Variants in ZNF846 observed in about 807,000 individuals in gnomAD.
ZNF846 encodes the protein zinc finger protein 420 pseudogene.
ZNF846 carries 15 observed loss-of-function variants against 16.0 expected under a neutral mutation model. The observed-to-expected ratio is 0.94, with a 90% CI of 0.63 to 1.45. The LOEUF (loss-of-function observed/expected upper bound fraction) is 1.45, where lower values mean the gene tolerates loss of function less well. Ranked by LOEUF, ZNF846 falls within the 40% of genes most tolerant of loss-of-function variation. The probability of loss-of-function intolerance (pLI) is 0.00; values close to 1 mark genes in which losing one functional copy is unlikely to be tolerated. For missense variants in ZNF846, 714 were observed against 622.3 expected (o/e 1.15, Z -1.57); for synonymous variants, 229 against 212.0 (o/e 1.08, Z -0.70).
At chr19:9,762,165 C>T (rs1357166430) in exon 4 of ZNF846, 1 of 1,613,792 alleles carries the variant, frequency 6.2e-7, no homozygotes, top group Non-Finnish European at 8.5e-7. Flanking sequence ...TAATTCAGAC[C>T]CTGCTGGAGG....
intron 1 of ZNF846, among the ~76,000 whole-genome samples, chr19:9,773,783 A>AAAAAAG (rs764874071): frequency 7.7e-4 from 117 of 152,280 alleles, no homozygotes; most frequent in African/African-American, 2.7e-3. Context: ...CTCCATCTCA[A>AAAAAAG]AAAAAGAAAA....
rs968706354 is a variant in ZNF846, at chr19:9,761,107, G to C, written c.229+975C>G. Among the ~76,000 whole-genome samples the C allele has an allele frequency of 4.0e-5, 6 of 148,318 alleles. No homozygotes were observed. The South Asian group carries it at 1.2e-3, about 31-fold the overall frequency. ...CCAACTACTCAGAAGGCTGAGGCAG[G>C]AGAATCACTTGAAGCCAGGAAGCTG... On this transcript the variant is annotated intron_variant, in intron 4 of 5. Coordinates refer to ENST00000397902, the Ensembl canonical transcript of ZNF846.
intron 1 of ZNF846, among the ~76,000 whole-genome samples, chr19:9,767,750 C>A (rs531060301): frequency 6.6e-6 from 1 of 152,224 alleles, no homozygotes; most frequent in East Asian, 1.9e-4. Context: ...GCCCAACCAA[C>A]ATGGTGAAAC....
downstream of ZNF846, chr19:9,756,283 G>A (rs1031279727): frequency 2.8e-5 from 4 of 143,446 alleles, no homozygotes; most frequent in African/African-American, 5.3e-5. Context: ...TTATATTAAA[G>A]GATGAAATAA....
rs1303940586 is a variant in ZNF846 at position 9,758,027 on chromosome 19, G to A, written c.1050C>T (p.Ser350=). Residue 350 remains serine (S), a synonymous_variant, in exon 6 of 6, where the codon TCC becomes TCT. Coordinates refer to ENST00000397902, the Ensembl canonical transcript of ZNF846. The stretch of plus-strand genomic sequence containing the variant: ...TCCTTACATGTTTTGTAAGGTATGA[G>A]GAATGAATAAAAGCTTTTCCACACT... 2.5e-6 allele frequency: 4 copies of A among 1,613,364 alleles called. No homozygotes were observed. In the South Asian group the frequency reaches 4.4e-5, roughly 18 times the overall value.
At chr19:9,780,281 G>T (rs10419915) in intron 1 of ZNF846, among the ~76,000 whole-genome samples, 1 of 151,590 alleles carries the variant, frequency 6.6e-6, no homozygotes, top group Non-Finnish European at 1.5e-5. Flanking sequence ...CATGTACACT[G>T]CAGCTTACAA....
chr19:9,771,693 T>C (rs988296995), upstream of ZNF846, among the ~76,000 whole-genome samples: 1 of 152,210 alleles, frequency 6.6e-6, no homozygotes, highest in Admixed American at 6.5e-5. Flanking sequence ...CCCTTATTAG[T>C]TGATGGGCAT....
chr19:9,756,300 C>A (rs12462226), downstream of ZNF846: 2 of 127,264 alleles, frequency 1.6e-5, no homozygotes, highest in East Asian at 4.5e-4. Context: ...ATAATACATA[C>A]GTGTGTGTAT....
chr19:9,758,510 A>T (rs745503917), exon 6 of ZNF846: 1 of 1,613,580 alleles, frequency 6.2e-7, no homozygotes, highest in South Asian at 1.1e-5. Context: ...TGTGAGTTTT[A>T]TTCTGCCTAG....
intron 5 of ZNF846, among the ~76,000 whole-genome samples, chr19:9,759,526 C>T (rs551077628): frequency 5.3e-5 from 8 of 151,642 alleles, no homozygotes; most frequent in Middle Eastern, 6.8e-3. Context: ...TCATTTGAGC[C>T]CAGGAAACAG....
chr19:9,764,558 C>G (rs946824441), intron 2 of ZNF846, among the ~76,000 whole-genome samples: 4 of 152,202 alleles, frequency 2.6e-5, no homozygotes, highest in African/African-American at 7.2e-5. Flanking sequence ...AACCTACCCC[C>G]GCCCTCACTA....
downstream of ZNF846, among the ~76,000 whole-genome samples, chr19:9,749,610 C>G (rs931121804): frequency 4.1e-5 from 6 of 147,386 alleles, no homozygotes; most frequent in Non-Finnish European, 7.4e-5. Flanking sequence ...TCTCCAGTCA[C>G]TCTCTACCTC....
chr19:9,761,956 T>C (rs754691064), intron 4 of ZNF846, 126 bp downstream of exon 4: 4 of 678,310 alleles, frequency 5.9e-6, no homozygotes, highest in Non-Finnish European at 7.6e-6. Context: ...GGAAACCAAA[T>C]GGCCTCAGCC....
At chr19:9,757,668 C>G in exon 6 of ZNF846, 1 of 1,613,350 alleles carries the variant, frequency 6.2e-7, no homozygotes, top group Non-Finnish European at 8.5e-7. Context: ...TGTGTGCGTT[C>G]GCATGTGCAT....
intron 2 of ZNF846, among the ~76,000 whole-genome samples, chr19:9,764,206 C>T (rs560431906): frequency 6.6e-6 from 1 of 152,272 alleles, no homozygotes; most frequent in Admixed American, 6.5e-5. Flanking sequence ...TCTTGTAGGC[C>T]TCTTTAAAGT....
At chr19:9,759,872 A>T in exon 5 of ZNF846, 2 of 1,612,614 alleles carry the variant, frequency 1.2e-6, no homozygotes, top group Non-Finnish European at 1.7e-6. Flanking sequence ...ATTGTACTCC[A>T]TTTGGTGATC....
intron 1 of ZNF846, among the ~76,000 whole-genome samples, chr19:9,767,023 C>T (rs757018534): frequency 6.6e-6 from 1 of 150,986 alleles, no homozygotes; most frequent in Admixed American, 6.6e-5. Context: ...GATGGGGTCT[C>T]ACTATGTTGT....
At chr19:9,774,443 G>C (rs2045416786) in intron 1 of ZNF846, 2 of 706,886 alleles carry the variant, frequency 2.8e-6, no homozygotes, top group Non-Finnish European at 5.0e-6. Context: ...ACTCCAGCCT[G>C]GGCAACAGAG....
rs760353185 is a variant in ZNF846, at chr19:9,757,984, G to C, written c.1093C>G (p.Leu365Val). 3.1e-6 allele frequency: 5 copies of C among 1,613,464 alleles called. No homozygotes were observed. In the African/African-American group the frequency reaches 6.7e-5, roughly 22 times the overall value. ...TTCCCACATGCCTTACATAAATACA[G>C]CTTCTCTCCACTGTGAATCCTTACA... Residue 365 changes from leucine to valine, a missense_variant, in exon 6 of 6, where the codon CTG (leucine) becomes GTG (valine). By Grantham distance (32) the Leu-to-Val change is conservative. Transcript: ENST00000397902.
Sources: gnomAD v4.1 joint callset for allele counts (sites outside exome capture counted in the v4.1 genomes callset) on GRCh38, gnomAD v4.1.1 for gene constraint, MANE v1.5 for transcripts, NCBI Gene and HGNC (gene_info 2026-07-23, HGNC 2026-07-21) for gene names.